The following TAB1 variants were observed in gnomAD, a reference collection of about 807,000 sequenced individuals.
TAB1 encodes the protein TGF-beta activated kinase 1 (MAP3K7) binding protein 1.
Under a neutral mutation model 54.5 loss-of-function variants are expected in TAB1, and 30 were observed. The observed-to-expected ratio is 0.55, with a 90% confidence interval of 0.41 to 0.75. The LOEUF is 0.75. TAB1 is among the 30% of genes least tolerant of loss of function. TAB1 has a pLI of 0.00. For synonymous variants in TAB1, 289 were observed against 286.9 expected (o/e 1.01, Z -0.07); for missense variants, 609 against 683.2 (o/e 0.89, Z 1.21).
chr22:39,411,532 A>G (rs1235847770), intron 1 of TAB1, among the ~76,000 whole-genome samples: 1 of 152,242 alleles, frequency 6.6e-6, no homozygotes, highest in Non-Finnish European at 1.5e-5. Context: ...TAAAGTCACG[A>G]TGAGCTACCA....
downstream of TAB1, chr22:39,436,580 C>T (rs374172572): frequency 1.9e-5 from 31 of 1,607,772 alleles, no homozygotes; most frequent in Admixed American, 6.7e-5. Context: ...AGGAAGGAAG[C>T]GCCTACACCA....
downstream of TAB1, chr22:39,432,719 C>G: frequency 1.0e-6 from 1 of 985,066 alleles, no homozygotes; most frequent in Non-Finnish European, 1.2e-6. Context: ...AAGTGGCCAC[C>G]ATGCAACTCT....
intron 1 of TAB1, among the ~76,000 whole-genome samples, chr22:39,404,859 G>A (rs1301475113): frequency 3.3e-5 from 5 of 152,134 alleles, no homozygotes; most frequent in Non-Finnish European, 7.3e-5. Flanking sequence ...TGAAAACTCC[G>A]GTGGGAGAAG....
In TAB1 at chr22:39,426,800, A is replaced by G; in HGVS notation, c.1019A>G (p.Asp340Gly). ...GACCGGGTGAAGCGCATCCACAGCGACACCTTCGCCAGTGGTGGGGAGCGT... is the reference window on the plus strand; with the variant it reads ...GACCGGGTGAAGCGCATCCACAGCGGCACCTTCGCCAGTGGTGGGGAGCGT... The part of the protein sequence containing the change: ...VVDRVKRIHS[D>G]TFASGGERAR... The change falls in exon 9 of 11, where the codon GAC becomes GGC. Residue 340 changes from aspartate (D) to glycine (G), a missense_variant. Physicochemically the swap from Asp to Gly is moderately conservative, Grantham distance 94 (BLOSUM62 -1). Transcript: ENST00000216160. The G allele has an allele frequency of 6.2e-7, 1 of 1,614,016 alleles. No homozygotes were observed. Among genetic ancestry groups the G allele is most frequent in the Non-Finnish European group, 8.5e-7 (1 of 1,180,044 alleles).
chr22:39,436,822 G>A, downstream of TAB1: 1 of 514,714 alleles, frequency 1.9e-6, no homozygotes, highest in South Asian at 2.4e-5. Flanking sequence ...GCTGTCCTCT[G>A]TTCTGGTGAG....
At position 39,415,450 on chromosome 22, in the gene TAB1, C is replaced by T; in HGVS notation, c.171-50C>T. On this transcript the variant is annotated intron_variant, in intron 2 of 10. Coordinates refer to ENST00000216160, the MANE Select transcript of TAB1 (RefSeq NM_006116.3). This position sits in a 1 kb window ranked among gnomAD's most constrained non-coding sequence, Gnocchi z 4.9. ...AATTCCTTTCCCTTTCTCCCTCCAC[C>T]TCCGTGAGACCCTGGTCTCAGGCCT... 1.3e-6 allele frequency: 2 copies of T among 1,594,058 alleles called. No homozygotes were observed. Among genetic ancestry groups the T allele is most frequent in the Non-Finnish European group, 1.7e-6 (2 of 1,163,658 alleles).
Position 39,426,823 on chromosome 22 carries a change from C to T in TAB1, c.1042C>T (p.Arg348Cys), listed in dbSNP as rs781515810. 16 of 1,613,694 alleles carry T rather than the reference C, an allele frequency of 9.9e-6. No homozygotes were observed. Among genetic ancestry groups the T allele is most frequent in the East Asian group, 2.2e-5 (1 of 44,890 alleles). Residue 348 changes from arginine to cysteine, a missense_variant, in exon 9 of 11, where the codon CGT (arginine) becomes TGT (cysteine). Transcript: ENST00000216160. ...HSDTFASGGE[R>C]ARFCPRHEDM... ...CGACACCTTCGCCAGTGGTGGGGAGCGTGCCAGGTTCTGCCCCCGGCACGA... is the reference window on the plus strand; with the variant it reads ...CGACACCTTCGCCAGTGGTGGGGAGTGTGCCAGGTTCTGCCCCCGGCACGA...
chr22:39,404,712 G>A lies in TAB1; in HGVS notation c.33+4877G>A, dbSNP rs149772284. On this transcript the variant is annotated intron_variant, in intron 1 of 10. Coordinates refer to ENST00000216160, the MANE Select transcript of TAB1 (RefSeq NM_006116.3). ...AATACATAGCCACTAAAATAAAAAGGTCCATGGGGGTACCACCTATACCCA... is the reference window on the plus strand; with the variant it reads ...AATACATAGCCACTAAAATAAAAAGATCCATGGGGGTACCACCTATACCCA... Among the ~76,000 whole-genome samples the A allele has an allele frequency of 1.1e-3, 165 of 152,266 alleles. 2 individuals carry two copies. Among genetic ancestry groups the A allele is most frequent in the Middle Eastern group, 6.8e-3 (2 of 294 alleles).
chr22:39,421,004 GGTGTGTCCTGCCCCTCCC>G (rs1292927818), intron 7 of TAB1, among the ~76,000 whole-genome samples: 2 of 150,582 alleles, frequency 1.3e-5, no homozygotes, highest in African/African-American at 4.9e-5. Context: ...CCCAGGTGCT[GGTGTGTCCTGCCCCTCCC>G]AGGTGCTGGT....
At chr22:39,420,373 C>T (rs1234436503) in intron 7 of TAB1, among the ~76,000 whole-genome samples, 2 of 152,182 alleles carry the variant, frequency 1.3e-5, no homozygotes, top group Non-Finnish European at 2.9e-5. Flanking sequence ...TGTCCTTAAC[C>T]GTCAGGTAAC....
chr22:39,409,897 G>T (rs914854662), intron 1 of TAB1, among the ~76,000 whole-genome samples: 1 of 152,276 alleles, frequency 6.6e-6, no homozygotes, highest in East Asian at 1.9e-4. Context: ...TGTGTCCGCA[G>T]TACCCAGAAT....
intron 8 of TAB1, among the ~76,000 whole-genome samples, chr22:39,423,296 G>A (rs1206947247): frequency 6.6e-6 from 1 of 152,080 alleles, no homozygotes; most frequent in Non-Finnish European, 1.5e-5. Context: ...AGCCTGCTTT[G>A]TCCTTTTTAA....
At chr22:39,421,715 A>G (rs534971800) in intron 7 of TAB1, 112 bp from the exon 8 acceptor site, 2 of 1,121,188 alleles carry the variant, frequency 1.8e-6, no homozygotes, top group Non-Finnish European at 1.3e-6. Context: ...TCCTCTTGTC[A>G]GGTTGTGTGT....
At position 39,415,459 on chromosome 22, in the gene TAB1, A is replaced by G. The variant is rs1926785190; in HGVS notation, c.171-41A>G. 1.2e-6 allele frequency: 2 copies of G among 1,600,356 alleles called. No homozygotes were observed. Among genetic ancestry groups the G allele is most frequent in the Non-Finnish European group, 1.7e-6 (2 of 1,168,600 alleles). On this transcript the variant is annotated intron_variant, in intron 2 of 10. Coordinates refer to ENST00000216160, the MANE Select transcript of TAB1 (RefSeq NM_006116.3). The surrounding 1 kb of genome is among the most constrained non-coding windows in gnomAD (Gnocchi z 4.9). ...CCCTTTCTCCCTCCACCTCCGTGAG[A>G]CCCTGGTCTCAGGCCTCCCTCTGCC...
chr22:39,429,767 C>A (rs1186248348), intron 10 of TAB1: 1 of 965,414 alleles, frequency 1.0e-6, no homozygotes, highest in African/African-American at 1.8e-5. Context: ...CAGGCATGAG[C>A]CACCGCGCCC....
downstream of TAB1, chr22:39,432,881 G>A: frequency 6.1e-6 from 6 of 985,442 alleles, no homozygotes; most frequent in Non-Finnish European, 6.0e-6. Flanking sequence ...GAGGGACACT[G>A]TTTCATCTAA....
At chr22:39,421,500 C>A (rs1279454029) in intron 7 of TAB1, among the ~76,000 whole-genome samples, 1 of 152,088 alleles carries the variant, frequency 6.6e-6, no homozygotes, top group Non-Finnish European at 1.5e-5. Context: ...AGGGATAATC[C>A]CTCCCTCTTG....
Position 39,415,722 on chromosome 22 carries a change from C to G in TAB1, c.324+69C>G, listed in dbSNP as rs1246483476. 6.5e-7 allele frequency: 1 copy of G among 1,545,612 alleles called. No individual in the cohort carries two copies. Among genetic ancestry groups the G allele is most frequent in the Non-Finnish European group, 8.7e-7 (1 of 1,145,156 alleles). ...CCCACCCCAAGGCTTGGGCCCTGCA[C>G]CTCTAGCATGTTGCCAGGGTTGGTG... On this transcript the variant is annotated intron_variant, in intron 3 of 10. Transcript: ENST00000216160. The surrounding 1 kb of genome is among the most constrained non-coding windows in gnomAD (Gnocchi z 4.9).
At chr22:39,416,953 C>G in intron 4 of TAB1, 76 bp downstream of exon 4, 2 of 1,406,122 alleles carry the variant, frequency 1.4e-6, no homozygotes. Flanking sequence ...CATCTACTTT[C>G]TTGACATTAC....
Sources: gnomAD v4.1 joint callset for allele counts (sites outside exome capture counted in the v4.1 genomes callset) on GRCh38, gnomAD v4.1.1 for gene constraint, Gnocchi (gnomAD v3.1) non-coding constraint, MANE v1.5 for transcripts, NCBI Gene and HGNC (gene_info 2026-07-23, HGNC 2026-07-21) for gene names.